TSPAN15: variants seen among roughly 807,000 people sequenced by gnomAD.
TSPAN15 encodes the protein tetraspanin 15.
Under a neutral mutation model 34.5 loss-of-function variants are expected in TSPAN15, and 20 were observed. That is an observed-to-expected ratio of 0.58 (90% CI 0.41 to 0.84). TSPAN15 has a LOEUF of 0.84. TSPAN15 is among the 40% of genes least tolerant of loss of function. The pLI, the probability that TSPAN15 is intolerant of heterozygous loss-of-function variation, is 0.00. For synonymous variants in TSPAN15, 155 were observed against 153.9 expected (o/e 1.01, Z -0.05); for missense variants, 313 against 386.1 (o/e 0.81, Z 1.59).
At position 69,495,612 on chromosome 10, in the gene TSPAN15, G is replaced by A. The variant is rs747461553; in HGVS notation, c.376G>A (p.Asp126Asn). The change falls in exon 4 of 8, where the codon GAC becomes AAC. Residue 126 changes from aspartate (D) to asparagine (N), a missense_variant. Physicochemically the swap from Asp to Asn is conservative, Grantham distance 23. Coordinates refer to ENST00000373290, the MANE Select transcript of TSPAN15 (RefSeq NM_012339.5). ...FRNQTIDFLN[D>N]NIRRGIENYY... ...TGAATAGACCATTGACTTCCTGAAC[G>A]ACAACATTCGAAGAGGAATTGAGAA... 24 of 1,613,146 alleles carry A rather than the reference G, an allele frequency of 1.5e-5. No individual in the cohort carries two copies. Among genetic ancestry groups the A allele is most frequent in the Middle Eastern group, 1.6e-4 (1 of 6,084 alleles).
intron 1 of TSPAN15, among the ~76,000 whole-genome samples, chr10:69,470,848 C>T (rs539888689): frequency 9.2e-5 from 14 of 152,258 alleles, no homozygotes; most frequent in Non-Finnish European, 1.9e-4. Flanking sequence ...CCTGATCAGC[C>T]CACTGCCTCA....
chr10:69,526,411 C>G, the TSPAN15 span, among the ~76,000 whole-genome samples: 2 of 148,146 alleles, frequency 1.4e-5, 1 homozygote, highest in Middle Eastern at 6.4e-3. Context: ...GGAAGATAAA[C>G]AAATCGCCAA....
chr10:69,533,439 C>T, the TSPAN15 span, among the ~76,000 whole-genome samples: 1 of 152,158 alleles, frequency 6.6e-6, no homozygotes, highest in Non-Finnish European at 1.5e-5. Flanking sequence ...ATCGTTTGTT[C>T]TCACTGACAT....
the TSPAN15 span, among the ~76,000 whole-genome samples, chr10:69,516,043 G>A: frequency 1.3e-5 from 2 of 152,180 alleles, no homozygotes; most frequent in African/African-American, 2.4e-5. Flanking sequence ...TGTGAAGTTC[G>A]GATAGATGAG....
downstream of TSPAN15, among the ~76,000 whole-genome samples, chr10:69,508,431 A>G (rs953671292): frequency 8.1e-6 from 1 of 123,322 alleles, no homozygotes; most frequent in Non-Finnish European, 1.6e-5. Flanking sequence ...ACAGAGTGAG[A>G]CTCCATCTCA....
the TSPAN15 span, among the ~76,000 whole-genome samples, chr10:69,524,940 C>T: frequency 5.4e-5 from 8 of 147,344 alleles, no homozygotes; most frequent in African/African-American, 2.0e-4. Context: ...GCCACCACGC[C>T]CCACTAATTT....
At chr10:69,539,642 G>C in the TSPAN15 span, among the ~76,000 whole-genome samples, 1 of 152,160 alleles carries the variant, frequency 6.6e-6, no homozygotes, top group Non-Finnish European at 1.5e-5. Context: ...TCCAACCAGA[G>C]AGTGTCTCTC....
intron 5 of TSPAN15, among the ~76,000 whole-genome samples, chr10:69,501,772 CAGG>C (rs896922166): frequency 2.0e-5 from 3 of 152,190 alleles, no homozygotes; most frequent in Non-Finnish European, 2.9e-5. Context: ...GGTCGCACAA[CAGG>C]AGGTGGGCAG....
chr10:69,464,578 AAC>A (rs202062506), intron 1 of TSPAN15, among the ~76,000 whole-genome samples: 4,347 of 152,310 alleles, frequency 0.029, 91 homozygotes, highest in Non-Finnish European at 0.043. Context: ...CGGCTGTGAA[AAC>A]AGTTAAATCA....
At chr10:69,537,065 TA>T in the TSPAN15 span, among the ~76,000 whole-genome samples, 1 of 151,944 alleles carries the variant, frequency 6.6e-6, no homozygotes, top group Non-Finnish European at 1.5e-5. Context: ...AATTACCCCT[TA>T]AAGGCCCTGT....
chr10:69,501,351 C>T (rs1023834659), intron 5 of TSPAN15, among the ~76,000 whole-genome samples: 10 of 152,164 alleles, frequency 6.6e-5, no homozygotes, highest in Admixed American at 3.3e-4. Flanking sequence ...TTCCCCTGGC[C>T]GGGGTTATCT....
chr10:69,480,263 G>T (rs1420060211), intron 1 of TSPAN15, among the ~76,000 whole-genome samples: 3 of 152,152 alleles, frequency 2.0e-5, no homozygotes, highest in Admixed American at 1.3e-4. Flanking sequence ...CAGGAAGGAG[G>T]AATGGGAACA....
rs140999935 is a variant in TSPAN15 at position 69,506,083 on chromosome 10, C to T, written c.619-41C>T. 1,760 of 1,562,706 alleles carry T rather than the reference C, an allele frequency of 1.1e-3. 19 individuals are homozygous for T. The East Asian group carries it at 0.031, about 27-fold the overall frequency. On this transcript the variant is annotated intron_variant, in intron 6 of 7. Transcript: ENST00000373290. The surrounding 1 kb of genome is among the most constrained non-coding windows in gnomAD (Gnocchi z 4.7). ...AGTCGGGGCTGTGGCTCCTGCCAGC[C>T]GAGGTCCTCTGCTGGGCTGACCCAG...
At chr10:69,504,535 AC>A in intron 6 of TSPAN15, 50 bp downstream of exon 6, 1 of 1,593,928 alleles carries the variant, frequency 6.3e-7, no homozygotes, top group Non-Finnish European at 8.6e-7. Context: ...TTCCTGGTCC[AC>A]CCTGGGGTGA....
chr10:69,452,733 C>T (rs780121244), intron 1 of TSPAN15, among the ~76,000 whole-genome samples: 7 of 152,202 alleles, frequency 4.6e-5, no homozygotes, highest in African/African-American at 1.4e-4. Context: ...TTCCTATAGG[C>T]CAGCTCCGCC....
chr10:69,487,864 A>G (rs1841887195), intron 3 of TSPAN15, among the ~76,000 whole-genome samples: 1 of 152,260 alleles, frequency 6.6e-6, no homozygotes, highest in Admixed American at 6.5e-5. Flanking sequence ...CAGATGCTGT[A>G]GTCCGTGAAG....
intron 3 of TSPAN15, among the ~76,000 whole-genome samples, chr10:69,493,630 G>A (rs1452907281): frequency 6.6e-6 from 1 of 152,070 alleles, no homozygotes; most frequent in Non-Finnish European, 1.5e-5. Context: ...ACGCTGCCAC[G>A]CCTGGCTAAT....
intron 4 of TSPAN15, among the ~76,000 whole-genome samples, chr10:69,497,267 G>A (rs555871406): frequency 2.6e-5 from 4 of 152,184 alleles, no homozygotes; most frequent in African/African-American, 4.8e-5. Context: ...CTACCAGGAC[G>A]TGTACTGCAG....
intron 1 of TSPAN15, among the ~76,000 whole-genome samples, chr10:69,470,720 C>T (rs555655188): frequency 6.6e-6 from 1 of 152,282 alleles, no homozygotes; most frequent in African/African-American, 2.4e-5. Flanking sequence ...GACCCCATCT[C>T]AATTATTTAA....
Sources: gnomAD v4.1 joint callset for allele counts (sites outside exome capture counted in the v4.1 genomes callset) on GRCh38, gnomAD v4.1.1 for gene constraint, Gnocchi (gnomAD v3.1) non-coding constraint, MANE v1.5 for transcripts, NCBI Gene and HGNC (gene_info 2026-07-23, HGNC 2026-07-21) for gene names.